The following PTPRN2 variants were observed in gnomAD, a reference collection of about 807,000 sequenced individuals.
PTPRN2 encodes protein tyrosine phosphatase receptor type N2, also known as receptor-type tyrosine-protein phosphatase N2.
A neutral mutation model predicts 118.8 loss-of-function variants in PTPRN2; 74 were observed. The observed-to-expected ratio is 0.62, with a 90% CI of 0.52 to 0.76. The LOEUF is 0.76. Ranked by LOEUF, PTPRN2 falls within the 30% of genes least tolerant of loss-of-function variation. The pLI is 0.00. For missense variants in PTPRN2, 1,481 were observed against 1,394.4 expected (o/e 1.06, Z -0.99); for synonymous variants, 641 against 608.0 (o/e 1.05, Z -0.80).
chr7:157,952,164 G>A (rs1800854040), intron 11 of PTPRN2, among the ~76,000 whole-genome samples: 1 of 152,330 alleles, frequency 6.6e-6, no homozygotes, highest in South Asian at 2.1e-4. Flanking sequence ...TGGGCAGGGA[G>A]TCCAGGCCCT....
intron 11 of PTPRN2, among the ~76,000 whole-genome samples, chr7:157,905,837 G>A (rs2128756464): frequency 6.6e-6 from 1 of 152,316 alleles, no homozygotes; most frequent in African/African-American, 2.4e-5. Context: ...CTGGAGCCTG[G>A]CCAGCTTTCT....
At position 157,787,561 on chromosome 7, in the gene PTPRN2, C is replaced by T. The variant is rs1234384878; in HGVS notation, c.1789-104624G>A. ...ACGTCCTGCTTCTCTCCTTGTCCTT[C>T]ATGTCTTGTAGGCGACCCCACAGAG... is the stretch of plus-strand genomic sequence containing the variant. On this transcript the variant is annotated intron_variant, in intron 12 of 22. Coordinates refer to ENST00000389418, the MANE Select transcript of PTPRN2 (RefSeq NM_002847.5). This position sits in a 1 kb window ranked among gnomAD's most constrained non-coding sequence, Gnocchi z 5.3. Among the ~76,000 whole-genome samples, 1 of 152,172 alleles carries T rather than the reference C, an allele frequency of 6.6e-6. No homozygotes were observed. Among genetic ancestry groups the T allele is most frequent in the Non-Finnish European group, 1.5e-5 (1 of 68,026 alleles).
At chr7:158,408,480 C>T (rs1296914039) in intron 2 of PTPRN2, among the ~76,000 whole-genome samples, 1 of 152,092 alleles carries the variant, frequency 6.6e-6, no homozygotes, top group Non-Finnish European at 1.5e-5. Flanking sequence ...GAGGTGGGTC[C>T]CTGCCTGTGA....
At chr7:158,408,739 A>G (rs1813788574) in intron 2 of PTPRN2, among the ~76,000 whole-genome samples, 1 of 152,198 alleles carries the variant, frequency 6.6e-6, no homozygotes, top group African/African-American at 2.4e-5. Flanking sequence ...AGCAATAACT[A>G]AGCCAGTGGG....
chr7:158,351,018 C>A (rs1807885222), intron 2 of PTPRN2, among the ~76,000 whole-genome samples: 1 of 152,190 alleles, frequency 6.6e-6, no homozygotes, highest in Non-Finnish European at 1.5e-5. Flanking sequence ...CTGCAGAGAA[C>A]AACGGCACAC....
At chr7:157,980,691 G>A (rs1463844438) in intron 11 of PTPRN2, among the ~76,000 whole-genome samples, 1 of 152,182 alleles carries the variant, frequency 6.6e-6, no homozygotes, top group Non-Finnish European at 1.5e-5. Context: ...GGCGGAGGTT[G>A]CAAGTGAGCC....
Position 157,676,363 on chromosome 7 carries a change from C to G in PTPRN2, c.2001+6362G>C, listed in dbSNP as rs1796668637. Among the ~76,000 whole-genome samples the G allele has an allele frequency of 6.6e-6, 1 of 152,178 alleles. No homozygotes were observed. Among genetic ancestry groups the G allele is most frequent in the Non-Finnish European group, 1.5e-5 (1 of 68,028 alleles). ...GGCCCAGCCCCTCCTCTGTCATCTC[C>G]AAGGATTTGATTTCAGTTTCACACG... On this transcript the variant is annotated intron_variant, in intron 13 of 22. Coordinates refer to ENST00000389418, the MANE Select transcript of PTPRN2 (RefSeq NM_002847.5). This position sits in a 1 kb window ranked among gnomAD's most constrained non-coding sequence, Gnocchi z 5.6.
chr7:158,468,482 G>T (rs1049241793), intron 2 of PTPRN2, among the ~76,000 whole-genome samples: 4 of 143,382 alleles, frequency 2.8e-5, no homozygotes, highest in African/African-American at 1.0e-4. Context: ...CCCCCACCCC[G>T]CCCCTCGCCG....
intron 1 of PTPRN2, among the ~76,000 whole-genome samples, chr7:158,527,549 TTG>T (rs113367369): frequency 0.03 from 4,534 of 152,228 alleles, 230 homozygotes; most frequent in African/African-American, 0.1. Flanking sequence ...GGAGTTGGGA[TTG>T]TGTTTGCCTG....
Position 157,590,876 on chromosome 7 carries a change from G to C in PTPRN2, c.2496+4362C>G, listed in dbSNP as rs1021913116. Reference sequence around the variant, plus strand: ...CCCAGTGACCTCCAAACGGACTCCTGACCCATCACCATGTCATGTGGGTGC... The same window carrying C: ...CCCAGTGACCTCCAAACGGACTCCTCACCCATCACCATGTCATGTGGGTGC... On this transcript the variant is annotated intron_variant, in intron 17 of 22. Coordinates refer to ENST00000389418, the MANE Select transcript of PTPRN2 (RefSeq NM_002847.5). The surrounding 1 kb of genome is among the most constrained non-coding windows in gnomAD (Gnocchi z 4.0). Among the ~76,000 whole-genome samples, 2 of 152,146 alleles carry C rather than the reference G, an allele frequency of 1.3e-5. No individual in the cohort carries two copies. The highest frequency in any genetic ancestry group is 2.9e-5 in the Non-Finnish European group (2 of 68,036).
Position 157,845,791 on chromosome 7 carries a change from G to A in PTPRN2, c.1788+52882C>T, listed in dbSNP as rs890868549. On this transcript the variant is annotated intron_variant, in intron 12 of 22. Transcript: ENST00000389418. The surrounding 1 kb of genome is among the most constrained non-coding windows in gnomAD (Gnocchi z 4.5). Reference sequence around the variant, plus strand: ...GGACACAGCAGGGCCATGGGCAGAGGAAGGACAAGCAACGTGGGGCCATGG... The same window carrying A: ...GGACACAGCAGGGCCATGGGCAGAGAAAGGACAAGCAACGTGGGGCCATGG... Among the ~76,000 whole-genome samples the A allele has an allele frequency of 6.6e-6, 1 of 152,202 alleles. No individual in the cohort carries two copies. Among genetic ancestry groups the A allele is most frequent in the South Asian group, 2.1e-4 (1 of 4,832 alleles).
chr7:158,313,526 A>G (rs1802046957), intron 3 of PTPRN2, among the ~76,000 whole-genome samples: 1 of 152,148 alleles, frequency 6.6e-6, no homozygotes, highest in Non-Finnish European at 1.5e-5. Context: ...CCTGAGCAAG[A>G]CTGGAGATGC....
intron 10 of PTPRN2, among the ~76,000 whole-genome samples, chr7:158,094,580 T>C (rs1814474590): frequency 6.6e-6 from 1 of 152,212 alleles, no homozygotes; most frequent in African/African-American, 2.4e-5. Context: ...CTGCTGGGAT[T>C]ACAGGCATGA....
At position 157,617,201 on chromosome 7, in the gene PTPRN2, T is replaced by C. The variant is rs1299822326; in HGVS notation, c.2344+4161A>G. 6.6e-6 allele frequency: 1 copy of C among 152,216 alleles called. No homozygotes were observed. The highest frequency in any genetic ancestry group is 2.4e-5 in the African/African-American group (1 of 41,424). 9.4% of individuals were successfully genotyped at this position (152,216 alleles called of 1,614,324 possible). On this transcript the variant is annotated intron_variant, in intron 15 of 22. Transcript: ENST00000389418. The surrounding 1 kb of genome is among the most constrained non-coding windows in gnomAD (Gnocchi z 7.5). ...CACGATGCCCCAGTGATGCCGTGGT[T>C]AGGACACTGCTCACGCAGCTGCAGC...
chr7:157,965,728 C>T (rs563841779), intron 11 of PTPRN2, among the ~76,000 whole-genome samples: 1 of 152,210 alleles, frequency 6.6e-6, no homozygotes, highest in Non-Finnish European at 1.5e-5. Flanking sequence ...ACTGCTCACT[C>T]TCTGCCCCAC....
At chr7:158,476,396 T>C (rs1481907648) in intron 2 of PTPRN2, among the ~76,000 whole-genome samples, 1 of 152,238 alleles carries the variant, frequency 6.6e-6, no homozygotes, top group African/African-American at 2.4e-5. Flanking sequence ...TCAAATCATA[T>C]CAATGACGCC....
chr7:157,649,157 G>A (rs567168518), intron 14 of PTPRN2, among the ~76,000 whole-genome samples: 8 of 124,682 alleles, frequency 6.4e-5, no homozygotes, highest in Admixed American at 2.4e-4. Flanking sequence ...CCCATCCAGC[G>A]TGCACTGAAC....
chr7:158,209,303 A>C (rs1451945425), intron 3 of PTPRN2, among the ~76,000 whole-genome samples: 1 of 152,166 alleles, frequency 6.6e-6, no homozygotes, highest in Non-Finnish European at 1.5e-5. Context: ...TTGCCTATAA[A>C]AGACACACTT....
At chr7:158,294,050 G>C (rs779643674) in intron 3 of PTPRN2, among the ~76,000 whole-genome samples, 16 of 152,224 alleles carry the variant, frequency 1.1e-4, no homozygotes, top group Non-Finnish European at 1.9e-4. Flanking sequence ...TGCACAGCTA[G>C]ACTAGACTTT....
Sources: allele counts gnomAD v4.1 joint callset (sites outside exome capture counted in the v4.1 genomes callset), GRCh38; gene constraint gnomAD v4.1.1; non-coding constraint Gnocchi (gnomAD v3.1); transcripts MANE v1.5; gene names NCBI Gene and HGNC (gene_info 2026-07-23, HGNC 2026-07-21).